Variants in ERC1 observed in about 807,000 individuals in gnomAD.
ERC1 encodes the protein RAB6 interacting protein 2.
ERC1 carries 56 observed loss-of-function variants against 132.0 expected under a neutral mutation model. The observed-to-expected ratio is 0.42, with a 90% CI of 0.34 to 0.53. The LOEUF (loss-of-function observed/expected upper bound fraction) is 0.53. ERC1 is among the 20% of genes least tolerant of loss of function. The pLI is 0.03. For synonymous variants in ERC1, 478 were observed against 476.1 expected, an observed-to-expected ratio of 1.00 and a Z score of -0.05; for missense variants, 1,202 against 1,349.9, an observed-to-expected ratio of 0.89 and a Z score of 1.72.
chr12:1,303,543 G>T (rs530412616), intron 15 of ERC1, among the ~76,000 whole-genome samples: 3 of 152,094 alleles, frequency 2.0e-5, no homozygotes, highest in Non-Finnish European at 4.4e-5. Context: ...GGAGACTGAG[G>T]CAGGAGAATG....
chr12:1,152,228 A>C (rs1009415121), intron 8 of ERC1: 1 of 151,922 alleles, frequency 6.6e-6, no homozygotes, highest in Non-Finnish European at 1.5e-5. Flanking sequence ...AAAGCTCAGC[A>C]AGATGAAGAT....
At chr12:1,378,643 G>A (rs775455188) in intron 16 of ERC1, among the ~76,000 whole-genome samples, 1 of 152,164 alleles carries the variant, frequency 6.6e-6, no homozygotes, top group Non-Finnish European at 1.5e-5. Context: ...CCATTATTCT[G>A]TATTGTAATG....
chr12:1,345,244 G>C (rs2084336879), intron 15 of ERC1, among the ~76,000 whole-genome samples: 1 of 147,630 alleles, frequency 6.8e-6, no homozygotes, highest in Non-Finnish European at 1.5e-5. Context: ...GCAGTGGCGT[G>C]ATCTGGGCTC....
At chr12:1,372,027 T>C (rs1428681548) in intron 16 of ERC1, 50 bp downstream of exon 16, 1 of 1,598,852 alleles carries the variant, frequency 6.3e-7, no homozygotes, top group Non-Finnish European at 8.5e-7. Context: ...TTTCACACCA[T>C]TCTCCACACA....
chr12:1,191,152 G>A (rs1334510881), intron 12 of ERC1, among the ~76,000 whole-genome samples: 3 of 151,882 alleles, frequency 2.0e-5, no homozygotes, highest in African/African-American at 4.8e-5. Context: ...TCTTATTTTG[G>A]TATTAACTCT....
rs1172269593 is a variant in ERC1 at position 1,196,976 on chromosome 12, ATTTTTTTTTTTTTT to A, written c.2351+6933_2351+6946del. Among the ~76,000 whole-genome samples, 7 of 73,314 alleles carry A rather than the reference ATTTTTTTTTTTTTT, an allele frequency of 9.5e-5. 1 individual carries two copies. Among genetic ancestry groups the A allele is most frequent in the Non-Finnish European group, 1.3e-4 (5 of 38,330 alleles). 48.1% of individuals were successfully genotyped at this position (73,314 alleles called of 152,430 possible). A position where few individuals can be genotyped will look rare whatever the true frequency, so the allele number is the denominator to read the frequency against. ...CACACACACACATATATATATATAT[ATTTTTTTTTTTTTT>A]TTTTTTTTAAGACAGATTTTCCCTC... On this transcript the variant is annotated intron_variant, in intron 12 of 18. Transcript: ENST00000360905.
At chr12:1,199,314 C>T (rs1475348348) in intron 12 of ERC1, among the ~76,000 whole-genome samples, 1 of 152,260 alleles carries the variant, frequency 6.6e-6, no homozygotes, top group Non-Finnish European at 1.5e-5. Flanking sequence ...TGGGTGGGGA[C>T]ATAGAGCCAA....
chr12:1,263,989 C>CA (rs771508866), intron 14 of ERC1, among the ~76,000 whole-genome samples: 5,597 of 136,534 alleles, frequency 0.041, 292 homozygotes, highest in African/African-American at 0.13. Context: ...TGTGCCCGGC[C>CA]AAAAAAAAAA....
chr12:1,040,675 T>C (rs1357360514), intron 2 of ERC1, among the ~76,000 whole-genome samples: 1 of 152,170 alleles, frequency 6.6e-6, no homozygotes, highest in Non-Finnish European at 1.5e-5. Flanking sequence ...CTTTGATTTT[T>C]CCATATATTA....
intron 8 of ERC1, among the ~76,000 whole-genome samples, chr12:1,145,554 T>C (rs1950272194): frequency 6.6e-6 from 1 of 152,238 alleles, no homozygotes; most frequent in Non-Finnish European, 1.5e-5. Flanking sequence ...ACTATTTCTT[T>C]TGCTGTGCAG....
At chr12:1,441,037 T>C (rs751630182) in intron 17 of ERC1, among the ~76,000 whole-genome samples, 3 of 151,664 alleles carry the variant, frequency 2.0e-5, no homozygotes, top group Non-Finnish European at 4.4e-5. Flanking sequence ...GCCATCAGCA[T>C]AAAATGCATT....
chr12:1,122,547 G>GTCTCTA (rs1295600924), intron 7 of ERC1, among the ~76,000 whole-genome samples: 3 of 8,958 alleles, frequency 3.3e-4, no homozygotes, highest in East Asian at 1.7e-3. Context: ...CTCTATCTGT[G>GTCTCTA]TCTCTATCTC....
chr12:1,183,422 G>A lies in ERC1; in HGVS notation c.2157+1G>A. ...GAAAATGGAATCACAATTGAAAAAG[G>A]TTAAAGAAAAAATTTCACATTTTTT... On this transcript the variant is annotated splice_donor_variant, in intron 11 of 18. Coordinates refer to ENST00000360905, the MANE Select transcript of ERC1 (RefSeq NM_178040.4). LOFTEE classifies it high-confidence loss of function. The A allele has an allele frequency of 6.4e-7, 1 of 1,555,122 alleles. No individual in the cohort carries two copies. Among genetic ancestry groups the A allele is most frequent in the Non-Finnish European group, 8.8e-7 (1 of 1,141,264 alleles).
At position 1,345,203 on chromosome 12, in the gene ERC1, C is replaced by T. The variant is rs139794525; in HGVS notation, c.2781-26630C>T. Among the ~76,000 whole-genome samples, 336 of 52,034 alleles carry T rather than the reference C, an allele frequency of 6.5e-3. 4 individuals are homozygous for T. The highest frequency in any genetic ancestry group is 0.043 in the Middle Eastern group (3 of 70). The allele number at this position is 52,034 out of a possible 152,430, so 34.1% of individuals were successfully genotyped here. A position where few individuals can be genotyped will look rare whatever the true frequency, so the allele number is the denominator to read the frequency against. On this transcript the variant is annotated intron_variant, in intron 15 of 18. Transcript: ENST00000360905. The stretch of plus-strand genomic sequence containing the variant: ...ATATTTCTTCTTTTTTTTTTTGAGA[C>T]GGAGTCTCACTCTGTCGCCCAGGCT...
intron 17 of ERC1, among the ~76,000 whole-genome samples, chr12:1,435,601 C>G (rs1055679416): frequency 6.6e-6 from 1 of 152,082 alleles, no homozygotes; most frequent in East Asian, 1.9e-4. Flanking sequence ...AGTTCTTGGG[C>G]CACTATTTTC....
Position 1,490,286 on chromosome 12 carries a change from T to C in ERC1, c.*56T>C, listed in dbSNP as rs1285250748. On this transcript the variant is annotated 3_prime_UTR_variant, in exon 19 of 19. Coordinates refer to ENST00000360905, the MANE Select transcript of ERC1 (RefSeq NM_178040.4). ...AACCCAGGAGCCAAGAAAAGAGAAC[T>C]ACGAGGAACAGGTGCCCGGAACCTT... The C allele has an allele frequency of 3.5e-5, 55 of 1,571,258 alleles. No homozygotes were observed. The highest frequency in any genetic ancestry group is 4.6e-5 in the Non-Finnish European group (53 of 1,152,628).
chr12:1,214,538 C>T lies in ERC1; in HGVS notation c.2352-22231C>T, dbSNP rs138743566. On this transcript the variant is annotated intron_variant, in intron 12 of 18. Transcript: ENST00000360905. ...CTCCTTCCCTCCACTCCCCGCCTCC[C>T]GGCCTCCCCTCAAAGAGTGAAGAAG... is the stretch of plus-strand genomic sequence containing the variant. Among the ~76,000 whole-genome samples, 507 of 152,234 alleles carry T rather than the reference C, an allele frequency of 3.3e-3. 6 individuals are homozygous for T. The highest frequency in any genetic ancestry group is 0.011 in the African/African-American group (452 of 41,544).
chr12:1,122,535 ATCTCTATCTGTG>A lies in ERC1; in HGVS notation c.1569+6512_1569+6523del, dbSNP rs1566021007. On this transcript the variant is annotated intron_variant, in intron 7 of 18. Transcript: ENST00000360905. Reference sequence around the variant, plus strand: ...TATCTGTGTCTCTATCTCTATCTCTATCTCTATCTGTGTCTCTATCTCTATCTCTATCTGTGT... The same window carrying A: ...TATCTGTGTCTCTATCTCTATCTCTATCTCTATCTCTATCTCTATCTGTGT... 5.9e-3 allele frequency among the ~76,000 whole-genome samples: 347 copies of A among 58,716 alleles called. 94 individuals carry two copies. The highest frequency in any genetic ancestry group is 0.022 in the African/African-American group (297 of 13,420). 38.5% of individuals were successfully genotyped at this position (58,716 alleles called of 152,430 possible).
chr12:1,212,228 A>G (rs1174973784), intron 12 of ERC1, among the ~76,000 whole-genome samples: 1 of 152,082 alleles, frequency 6.6e-6, no homozygotes, highest in African/African-American at 2.4e-5. Flanking sequence ...TCTCTCCTCC[A>G]ACTTTAAGCT....
Sources: allele counts gnomAD v4.1 joint callset (sites outside exome capture counted in the v4.1 genomes callset), GRCh38; gene constraint gnomAD v4.1.1; transcripts MANE v1.5; gene names NCBI Gene and HGNC (gene_info 2026-07-23, HGNC 2026-07-21).